Variants in MARCHF1 observed in about 807,000 individuals in gnomAD.
MARCHF1 encodes the protein membrane associated ring-CH-type finger 1.
In MARCHF1, 40 loss-of-function variants were observed where a neutral mutation model predicts 54.2. The observed-to-expected ratio is 0.74, with a 90% CI of 0.57 to 0.96. The LOEUF is 0.96. Ranked by LOEUF, MARCHF1 falls within the 40% of genes least tolerant of loss-of-function variation. The pLI, the probability that MARCHF1 is intolerant of heterozygous loss-of-function variation, is 0.00. For missense variants in MARCHF1, 586 were observed against 656.5 expected (o/e 0.89, Z 1.17); for synonymous variants, 236 against 236.3 (o/e 1.00, Z 0.01).
chr4:163,812,530 G>T (rs1748421698), intron 4 of MARCHF1, among the ~76,000 whole-genome samples: 1 of 152,094 alleles, frequency 6.6e-6, no homozygotes, highest in South Asian at 2.1e-4. Context: ...AGTCAAGGCG[G>T]GTGGATCACC....
chr4:163,716,987 TTTTA>T (rs1472549557), intron 4 of MARCHF1, among the ~76,000 whole-genome samples: 7 of 152,198 alleles, frequency 4.6e-5, no homozygotes, highest in Non-Finnish European at 4.4e-5. Flanking sequence ...TACACATTTA[TTTTA>T]TTTACTTATT....
chr4:164,175,560 G>A (rs879927099), intron 1 of MARCHF1, among the ~76,000 whole-genome samples: 1 of 152,228 alleles, frequency 6.6e-6, no homozygotes, highest in African/African-American at 2.4e-5. Flanking sequence ...TGCTGTGAAG[G>A]TACTTTGTAG....
intron 4 of MARCHF1, among the ~76,000 whole-genome samples, chr4:163,727,321 T>C (rs1184676181): frequency 6.6e-6 from 1 of 152,030 alleles, no homozygotes; most frequent in African/African-American, 2.4e-5. Context: ...TTTCTTTTTT[T>C]TTTTTTGACG....
At chr4:163,566,065 C>T (rs1489612686) in intron 8 of MARCHF1, among the ~76,000 whole-genome samples, 1 of 152,168 alleles carries the variant, frequency 6.6e-6, no homozygotes, top group Non-Finnish European at 1.5e-5. Flanking sequence ...CCCTTTGTGG[C>T]ACTGTTCAAA....
At chr4:164,323,378 G>C (rs986822343) in intron 1 of MARCHF1, among the ~76,000 whole-genome samples, 1 of 151,522 alleles carries the variant, frequency 6.6e-6, no homozygotes, top group African/African-American at 2.4e-5. Context: ...AAAATATACA[G>C]TCTGTAGTGC....
At chr4:164,226,092 T>A (rs1336255303) in intron 1 of MARCHF1, among the ~76,000 whole-genome samples, 1 of 152,016 alleles carries the variant, frequency 6.6e-6, no homozygotes, top group African/African-American at 2.4e-5. Context: ...TTTTTTCTCG[T>A]ATTCTCCTTG....
At chr4:163,859,546 A>G (rs1481930746) in intron 3 of MARCHF1, among the ~76,000 whole-genome samples, 8 of 152,012 alleles carry the variant, frequency 5.3e-5, no homozygotes, top group Non-Finnish European at 1.2e-4. Context: ...TTTTTAGTAG[A>G]GACAGGATCT....
intron 2 of MARCHF1, among the ~76,000 whole-genome samples, chr4:164,079,796 T>C (rs927362048): frequency 6.6e-6 from 1 of 152,154 alleles, no homozygotes; most frequent in African/African-American, 2.4e-5. Context: ...ACAACACACA[T>C]TCTAAAAGAC....
rs139287209 is a variant in MARCHF1 at position 164,046,707 on chromosome 4, T to C, written c.-247-57998A>G. ...ACTTGAATGAACATAAAGAACATTA[T>C]TTTTAGGACATCACTGCATTCTACA... is the stretch of plus-strand genomic sequence containing the variant. On this transcript the variant is annotated intron_variant, in intron 2 of 9. Coordinates refer to ENST00000514618, the MANE Select transcript of MARCHF1 (RefSeq NM_001394959.1). Among the ~76,000 whole-genome samples the C allele has an allele frequency of 2.3e-4, 35 of 152,278 alleles. 1 individual carries two copies. Among genetic ancestry groups the C allele is most frequent in the Middle Eastern group, 3.4e-3 (1 of 294 alleles).
intron 4 of MARCHF1, among the ~76,000 whole-genome samples, chr4:163,812,584 C>T (rs1484460079): frequency 6.6e-6 from 1 of 152,022 alleles, no homozygotes; most frequent in Admixed American, 6.6e-5. Context: ...ATGGTGAAAC[C>T]CTGTCTCTTC....
rs183919109 is a variant in MARCHF1, at chr4:164,155,977, C to T, written c.-322-44315G>A. ...ATTAGTGGTAATAAATCATAATTTT[C>T]GGGGGAAGTATCTACTTCTGTAATG... On this transcript the variant is annotated intron_variant, in intron 1 of 9. Transcript: ENST00000514618. Among the ~76,000 whole-genome samples, 340 of 152,124 alleles carry T rather than the reference C, an allele frequency of 2.2e-3. 4 individuals are homozygous for T. The highest frequency in any genetic ancestry group is 7.4e-3 in the African/African-American group (308 of 41,496).
chr4:163,676,372 A>AT (rs1751513055), intron 5 of MARCHF1, among the ~76,000 whole-genome samples: 1 of 151,678 alleles, frequency 6.6e-6, no homozygotes, highest in African/African-American at 2.4e-5. Flanking sequence ...AAAAAAAAAA[A>AT]ATCAGAAGAT....
intron 1 of MARCHF1, among the ~76,000 whole-genome samples, chr4:164,325,872 G>A (rs1735267056): frequency 1.3e-5 from 2 of 151,868 alleles, no homozygotes; most frequent in South Asian, 4.2e-4. Context: ...CAGAGGCAAG[G>A]GGAAAAATAA....
At chr4:163,850,226 C>T (rs1428287632) in intron 4 of MARCHF1, among the ~76,000 whole-genome samples, 1 of 152,192 alleles carries the variant, frequency 6.6e-6, no homozygotes, top group Non-Finnish European at 1.5e-5. Flanking sequence ...AAGTGCACCC[C>T]CTTCAGGGGT....
intron 3 of MARCHF1, among the ~76,000 whole-genome samples, chr4:163,933,435 T>A (rs1485131615): frequency 1.3e-5 from 2 of 152,228 alleles, no homozygotes; most frequent in Non-Finnish European, 2.9e-5. Context: ...TTGGCCTTCC[T>A]AGTGTGTAGT....
At chr4:163,857,653 G>A (rs1749805118) in intron 3 of MARCHF1, among the ~76,000 whole-genome samples, 1 of 152,124 alleles carries the variant, frequency 6.6e-6, no homozygotes, top group Admixed American at 6.6e-5. Flanking sequence ...ATTTAATTTA[G>A]TAAATAGCAG....
At chr4:163,976,396 G>C (rs765355411) in intron 3 of MARCHF1, among the ~76,000 whole-genome samples, 4 of 152,074 alleles carry the variant, frequency 2.6e-5, no homozygotes, top group Non-Finnish European at 5.9e-5. Context: ...CTTGGCGAAG[G>C]ATAAAATAGT....
At chr4:164,321,849 ATAAT>A (rs1202095290) in intron 1 of MARCHF1, among the ~76,000 whole-genome samples, 4 of 152,220 alleles carry the variant, frequency 2.6e-5, no homozygotes, top group African/African-American at 7.2e-5. Context: ...GTAATCTAAT[ATAAT>A]TAATTATAAT....
intron 2 of MARCHF1, among the ~76,000 whole-genome samples, chr4:164,027,270 A>G (rs920105891): frequency 6.6e-6 from 1 of 150,826 alleles, no homozygotes; most frequent in African/African-American, 2.4e-5. Context: ...AAGAGCCCCA[A>G]TAGCCAAAGC....
Sources: allele counts gnomAD v4.1 joint callset (sites outside exome capture counted in the v4.1 genomes callset), GRCh38; gene constraint gnomAD v4.1.1; transcripts MANE v1.5; gene names NCBI Gene and HGNC (gene_info 2026-07-23, HGNC 2026-07-21).